TULP3: variants seen among roughly 807,000 people sequenced by gnomAD.
TULP3 encodes tubby-related protein 3.
Under a neutral mutation model 50.7 loss-of-function variants are expected in TULP3, and 38 were observed. The observed-to-expected ratio is 0.75, with a 90% CI of 0.58 to 0.98. The LOEUF (loss-of-function observed/expected upper bound fraction) is 0.98. Among genes scored for constraint, TULP3 ranks in the 50% least tolerant of loss-of-function variants. The probability of loss-of-function intolerance (pLI) is 0.00; values close to 1 mark genes in which losing one functional copy is unlikely to be tolerated. For missense variants in TULP3, 550 were observed against 568.0 expected (o/e 0.97, Z 0.32); for synonymous variants, 183 against 196.6 (o/e 0.93, Z 0.58).
At chr12:2,936,212 A>G (rs371602907) in intron 8 of TULP3, among the ~76,000 whole-genome samples, 120 of 151,914 alleles carry the variant, frequency 7.9e-4, no homozygotes, top group South Asian at 5.0e-3. Context: ...AGAGGTTGCA[A>G]TGAGCCAAGA....
chr12:2,897,488 G>A (rs1403884815), intron 1 of TULP3, among the ~76,000 whole-genome samples: 2 of 152,084 alleles, frequency 1.3e-5, no homozygotes, highest in African/African-American at 4.8e-5. Flanking sequence ...AATCTTCCCA[G>A]GCACAGTGGT....
Position 2,940,580 on chromosome 12 carries a change from C to T in TULP3, c.*1136C>T, listed in dbSNP as rs773566963. 5.3e-5 allele frequency: 83 copies of T among 1,551,574 alleles called. No homozygotes were observed. The highest frequency in any genetic ancestry group is 5.0e-4 in the Middle Eastern group (3 of 6,014). On this transcript the variant is annotated 3_prime_UTR_variant, in exon 11 of 11. Coordinates refer to ENST00000448120, the MANE Select transcript of TULP3 (RefSeq NM_003324.5). ...GGAGCTCTGTGAGCTCCACCGTCAG[C>T]ACCATTCAGCTGCATCCCTTGTGCA...
chr12:2,904,803 G>A (rs2098181232), intron 1 of TULP3, among the ~76,000 whole-genome samples: 1 of 152,094 alleles, frequency 6.6e-6, no homozygotes, highest in African/African-American at 2.4e-5. Flanking sequence ...ATGAAGGAAA[G>A]AGAATATTAA....
chr12:2,923,038 G>A (rs945372977), intron 4 of TULP3, among the ~76,000 whole-genome samples: 2 of 151,690 alleles, frequency 1.3e-5, no homozygotes, highest in African/African-American at 4.8e-5. Context: ...TATTTTTTTA[G>A]TAGAGACGGG....
intron 1 of TULP3, among the ~76,000 whole-genome samples, chr12:2,901,246 T>C (rs1470782143): frequency 2.0e-5 from 3 of 149,756 alleles, no homozygotes; most frequent in Non-Finnish European, 4.4e-5. Context: ...CTCAAGTAGC[T>C]GGGACCACCG....
At chr12:2,907,657 A>C (rs2098183116) in intron 1 of TULP3, among the ~76,000 whole-genome samples, 1 of 114,388 alleles carries the variant, frequency 8.7e-6, no homozygotes, top group South Asian at 2.6e-4. Flanking sequence ...CAAAAAAAAA[A>C]AAAATTTTTT....
Position 2,920,501 on chromosome 12 carries a change from C to CT in TULP3, c.94-261dup, listed in dbSNP as rs1207012892. Among the ~76,000 whole-genome samples the CT allele has an allele frequency of 2.0e-5, 3 of 150,822 alleles. No homozygotes were observed. The East Asian group carries it at 5.8e-4, about 29-fold the overall frequency. ...TCAGCCTGGGCAACTGAGTGAGACT[C>CT]TGTCTCAAAAAAAAGAAAAAAAAAA... On this transcript the variant is annotated intron_variant, in intron 2 of 10. Transcript: ENST00000448120.
chr12:2,917,429 A>G (rs1176864824), intron 2 of TULP3, among the ~76,000 whole-genome samples: 3 of 147,444 alleles, frequency 2.0e-5, no homozygotes, highest in East Asian at 4.2e-4. Context: ...CCGAGATCGC[A>G]CCACTGCACT....
chr12:2,940,338 A>T lies in TULP3; in HGVS notation c.*894A>T. On this transcript the variant is annotated 3_prime_UTR_variant, in exon 11 of 11. Coordinates refer to ENST00000448120, the MANE Select transcript of TULP3 (RefSeq NM_003324.5). ...AGTTTAGTTAAAAAAAAAAAAAAAA[A>T]GGTGGCAGGAGAGGCTTTGGGGAGG... 2.0e-5 allele frequency: 28 copies of T among 1,380,708 alleles called. No individual in the cohort carries two copies. Among genetic ancestry groups the T allele is most frequent in the African/African-American group, 7.7e-5 (5 of 64,742 alleles). 85.5% of individuals were successfully genotyped at this position (1,380,708 alleles called of 1,614,324 possible). A position where few individuals can be genotyped will look rare whatever the true frequency, so the allele number is the denominator to read the frequency against.
At chr12:2,899,810 A>G (rs552704401) in intron 1 of TULP3, among the ~76,000 whole-genome samples, 53 of 148,842 alleles carry the variant, frequency 3.6e-4, no homozygotes, top group African/African-American at 1.1e-3. Flanking sequence ...GGAGAATGGC[A>G]TGAACCCAGG....
chr12:2,928,653 C>G (rs1328853625), intron 4 of TULP3, among the ~76,000 whole-genome samples: 2 of 151,652 alleles, frequency 1.3e-5, no homozygotes, highest in African/African-American at 4.8e-5. Context: ...ATAGAAGTTA[C>G]CAGTGTTGGC....
intron 3 of TULP3, among the ~76,000 whole-genome samples, 178 bp from the exon 4 acceptor site, chr12:2,922,084 G>GA (rs1450670092): frequency 6.6e-6 from 1 of 151,926 alleles, no homozygotes; most frequent in African/African-American, 2.4e-5. Flanking sequence ...TCCTGTCTCA[G>GA]AAAAAAAGAA....
chr12:2,926,553 T>C (rs537084472), intron 4 of TULP3, among the ~76,000 whole-genome samples: 9 of 152,314 alleles, frequency 5.9e-5, no homozygotes, highest in African/African-American at 1.9e-4. Flanking sequence ...AATAATTTTT[T>C]TAAGTAACAA....
At chr12:2,937,331 C>T (rs907151307) in intron 8 of TULP3, among the ~76,000 whole-genome samples, 7 of 148,188 alleles carry the variant, frequency 4.7e-5, no homozygotes, top group African/African-American at 1.7e-4. Flanking sequence ...ATTCTCCTGC[C>T]TCAGCCTCCC....
intron 9 of TULP3, 48 bp from the exon 10 acceptor site, chr12:2,938,066 G>A (rs935969305): frequency 1.9e-6 from 3 of 1,602,328 alleles, no homozygotes; most frequent in South Asian, 1.1e-5. Context: ...CTTCTACCTC[G>A]TAGAGTTGGA....
intron 1 of TULP3, among the ~76,000 whole-genome samples, chr12:2,894,307 G>A (rs1263221237): frequency 3.5e-5 from 5 of 141,422 alleles, no homozygotes; most frequent in Non-Finnish European, 7.7e-5. Context: ...GGGCGGGGGG[G>A]GGGAAATCAC....
intron 1 of TULP3, among the ~76,000 whole-genome samples, chr12:2,897,775 A>G (rs1271952647): frequency 6.6e-6 from 1 of 151,154 alleles, no homozygotes; most frequent in Non-Finnish European, 1.5e-5. Flanking sequence ...GTCTCTTAAA[A>G]AAAAAAAAAA....
intron 1 of TULP3, among the ~76,000 whole-genome samples, chr12:2,900,987 G>A (rs560037641): frequency 9.2e-5 from 14 of 151,484 alleles, no homozygotes; most frequent in Admixed American, 7.9e-4. Context: ...GATTACAGGC[G>A]TGAGCTACTG....
intron 1 of TULP3, among the ~76,000 whole-genome samples, chr12:2,897,493 A>G (rs1004091333): frequency 3.3e-5 from 5 of 152,164 alleles, no homozygotes; most frequent in Non-Finnish European, 7.3e-5. Context: ...TCCCAGGCAC[A>G]GTGGTTCAGG....
Sources: allele counts gnomAD v4.1 joint callset (sites outside exome capture counted in the v4.1 genomes callset), GRCh38; gene constraint gnomAD v4.1.1; transcripts MANE v1.5; gene names NCBI Gene and HGNC (gene_info 2026-07-23, HGNC 2026-07-21).